Variants in G3BP2 observed in about 807,000 individuals in gnomAD.
The protein encoded by G3BP2 is G3BP stress granule assembly factor 2.
A neutral mutation model predicts 56.7 loss-of-function variants in G3BP2; 11 were observed. That is an observed-to-expected ratio of 0.19 (90% CI 0.12 to 0.32). G3BP2 has a LOEUF of 0.32. G3BP2 is among the 10% of genes least tolerant of loss of function. The pLI is 1.00. For missense variants in G3BP2, 340 were observed against 610.9 expected, an observed-to-expected ratio of 0.56 and a Z score of 4.67; for synonymous variants, 165 against 191.6, an observed-to-expected ratio of 0.86 and a Z score of 1.15.
In G3BP2 at chr4:75,645,433, G is replaced by A; in HGVS notation, c.1446C>T (p.Arg482=). 6.2e-7 allele frequency: 1 copy of A among 1,611,562 alleles called. No homozygotes were observed. Among genetic ancestry groups the A allele is most frequent in the Non-Finnish European group, 8.5e-7 (1 of 1,178,424 alleles). The part of the protein sequence containing the change: ...QMEGRFTGQR[R] ...AGACTTTGCCAACAGTGGAGCTTCA[G>A]CGACGCTGTCCTGTGAAGCGGCCCT... The change falls in exon 12 of 12, where the codon CGC becomes CGT. Residue 482 remains arginine (R), a synonymous_variant. Transcript: ENST00000359707.
chr4:75,690,508 C>T (rs1156898550), intron 3 of G3BP2, among the ~76,000 whole-genome samples: 1 of 151,764 alleles, frequency 6.6e-6, no homozygotes, highest in African/African-American at 2.4e-5. Context: ...TTAGTTGTTG[C>T]TTAAGGGCTG....
At position 75,658,868 on chromosome 4, in the gene G3BP2, GGCTTTCCACTA is replaced by G; in HGVS notation, c.141_151del (p.Ser48ProfsTer9). On this transcript the variant is annotated frameshift_variant, in exon 3 of 12. Coordinates refer to ENST00000359707, the MANE Select transcript of G3BP2 (RefSeq NM_203505.3). LOFTEE classifies it high-confidence loss of function. ...ATTTTGGCCATAAACAGCTTCCTGG[GGCTTTCCACTA>G]GCATCTACTCCACCATGAACATAGG... The G allele has an allele frequency of 6.2e-7, 1 of 1,612,124 alleles. No homozygotes were observed. The highest frequency in any genetic ancestry group is 8.5e-7 in the Non-Finnish European group (1 of 1,178,224).
intron 3 of G3BP2, among the ~76,000 whole-genome samples, chr4:75,711,577 G>T (rs1013900897): frequency 1.3e-5 from 2 of 151,604 alleles, no homozygotes; most frequent in Non-Finnish European, 2.9e-5. Context: ...GCTGGGCATG[G>T]TGGTGCGTGC....
rs1179024256 is a variant in G3BP2, at chr4:75,688,302, CAAAGTGCTGGG to C, written c.-24-26264_-24-26254del. ...AAGTGTTCCACCTGCCTCAGCCTCCCAAAGTGCTGGGATTACAGGCGTAAGCCACCACACCC... is the reference window on the plus strand; with the variant it reads ...AAGTGTTCCACCTGCCTCAGCCTCCCATTACAGGCGTAAGCCACCACACCC... On this transcript the variant is annotated intron_variant, in intron 3 of 3. Coordinates refer to the G3BP2 transcript ENST00000499709. Among the ~76,000 whole-genome samples the C allele has an allele frequency of 2.0e-5, 3 of 152,314 alleles. No individual in the cohort carries two copies. In the East Asian group the frequency reaches 5.8e-4, roughly 29 times the overall value.
chr4:75,653,030 T>C (rs747648182), intron 8 of G3BP2, among the ~76,000 whole-genome samples: 4 of 151,782 alleles, frequency 2.6e-5, no homozygotes, highest in Non-Finnish European at 5.9e-5. Flanking sequence ...CAAACTAATT[T>C]CCTTTGTTAA....
intron 1 of G3BP2, among the ~76,000 whole-genome samples, chr4:75,669,770 T>C (rs1401992384): frequency 1.3e-5 from 2 of 152,254 alleles, no homozygotes; most frequent in South Asian, 2.1e-4. Context: ...ATTTATTTTA[T>C]GGCTACTATG....
At chr4:75,718,323 A>C (rs1577907273) in intron 3 of G3BP2, among the ~76,000 whole-genome samples, 1 of 151,742 alleles carries the variant, frequency 6.6e-6, no homozygotes, top group Admixed American at 6.6e-5. Context: ...TACTTTCTTT[A>C]AAAAAAGGGT....
At chr4:75,715,046 AG>A (rs1239240862) in intron 3 of G3BP2, among the ~76,000 whole-genome samples, 3 of 152,230 alleles carry the variant, frequency 2.0e-5, no homozygotes, top group African/African-American at 7.2e-5. Flanking sequence ...GCAGTCCAAA[AG>A]TGGCAACATC....
upstream of G3BP2, among the ~76,000 whole-genome samples, chr4:75,674,477 C>A (rs1259025979): frequency 6.6e-6 from 1 of 151,916 alleles, no homozygotes; most frequent in African/African-American, 2.4e-5. Context: ...TCTACAATAT[C>A]TTTACCTTTA....
At chr4:75,717,901 G>A (rs1326613875) in intron 3 of G3BP2, among the ~76,000 whole-genome samples, 2 of 152,134 alleles carry the variant, frequency 1.3e-5, no homozygotes, top group African/African-American at 4.8e-5. Context: ...AGCACTTTGG[G>A]AGGCTGAGGC....
Position 75,696,795 on chromosome 4 carries a change from T to C in G3BP2, c.-25+24082A>G, listed in dbSNP as rs1719135034. Reference sequence around the variant, plus strand: ...TGCTAATTTTATAACTGTAATCCTTTTACATAACACAGGTCCATGTTCACA... The same window carrying C: ...TGCTAATTTTATAACTGTAATCCTTCTACATAACACAGGTCCATGTTCACA... On this transcript the variant is annotated intron_variant, in intron 3 of 3. Coordinates refer to the G3BP2 transcript ENST00000499709. Among the ~76,000 whole-genome samples, 2 of 152,124 alleles carry C rather than the reference T, an allele frequency of 1.3e-5. 1 individual carries two copies. Among genetic ancestry groups the C allele is most frequent in the Admixed American group, 1.3e-4 (2 of 15,266 alleles).
chr4:75,662,147 G>A, intron 1 of G3BP2, 98 bp from the exon 2 acceptor site: 1 of 649,538 alleles, frequency 1.5e-6, no homozygotes, highest in South Asian at 1.9e-5. Context: ...GCAGTGGGGA[G>A]TTGTATACCA....
intron 1 of G3BP2, among the ~76,000 whole-genome samples, chr4:75,664,265 TA>T (rs1331563730): frequency 2.0e-5 from 3 of 151,304 alleles, no homozygotes; most frequent in African/African-American, 4.9e-5. Flanking sequence ...ATCTACTGGG[TA>T]AATCAGGATG....
At chr4:75,669,371 G>GC (rs1242235963) in intron 1 of G3BP2, among the ~76,000 whole-genome samples, 2 of 152,112 alleles carry the variant, frequency 1.3e-5, no homozygotes, top group Admixed American at 6.5e-5. Context: ...CTTTAGCTTT[G>GC]CCACTTAAAC....
rs1578389000 is a variant in G3BP2 at position 75,655,662 on chromosome 4, A to G, written c.545+106T>C. On this transcript the variant is annotated intron_variant, in intron 6 of 11. Coordinates refer to ENST00000359707, the MANE Select transcript of G3BP2 (RefSeq NM_203505.3). ...CAATAGGTACTCAAATACTGACATA[A>G]TAGGTGGTTTTATCAAGAATTTACT... 7 of 675,292 alleles carry G rather than the reference A, an allele frequency of 1.0e-5. No individual in the cohort carries two copies. The East Asian group carries it at 1.8e-4, about 17-fold the overall frequency. 41.8% of individuals were successfully genotyped at this position (675,292 alleles called of 1,614,324 possible). A position where few individuals can be genotyped will look rare whatever the true frequency, so the allele number is the denominator to read the frequency against.
intron 3 of G3BP2, among the ~76,000 whole-genome samples, chr4:75,692,076 T>A (rs1718881449): frequency 6.6e-6 from 1 of 152,224 alleles, no homozygotes; most frequent in Non-Finnish European, 1.5e-5. Flanking sequence ...AAATGTTAGC[T>A]GCCTTTCCTT....
intron 3 of G3BP2, among the ~76,000 whole-genome samples, chr4:75,687,832 G>A (rs1718675479): frequency 1.3e-5 from 2 of 152,192 alleles, no homozygotes; most frequent in South Asian, 4.1e-4. Context: ...AAATAACTGA[G>A]CCCCTGGCCT....
At chr4:75,667,549 C>T (rs1733150591) in intron 1 of G3BP2, among the ~76,000 whole-genome samples, 1 of 152,146 alleles carries the variant, frequency 6.6e-6, no homozygotes, top group African/African-American at 2.4e-5. Context: ...GCTCTATACA[C>T]AGTCAAAGCT....
chr4:75,678,703 C>A (rs1438056058), intron 3 of G3BP2, among the ~76,000 whole-genome samples: 1 of 152,178 alleles, frequency 6.6e-6, no homozygotes, highest in African/African-American at 2.4e-5. Flanking sequence ...GGATTTGAAT[C>A]CCAGCTTTAT....
Sources: gnomAD v4.1 joint callset for allele counts (sites outside exome capture counted in the v4.1 genomes callset) on GRCh38, gnomAD v4.1.1 for gene constraint, MANE v1.5 for transcripts, NCBI Gene and HGNC (gene_info 2026-07-23, HGNC 2026-07-21) for gene names.